The following SH3RF1 variants were observed in gnomAD, a reference collection of about 807,000 sequenced individuals.
SH3RF1 encodes the protein E3 ubiquitin-protein ligase SH3RF1.
Under a neutral mutation model 74.0 loss-of-function variants are expected in SH3RF1, and 32 were observed. The observed-to-expected ratio is 0.43, with a 90% CI of 0.33 to 0.58. The LOEUF is 0.58. Ranked by LOEUF, SH3RF1 falls within the 20% of genes least tolerant of loss-of-function variation. The pLI is 0.05. For synonymous variants in SH3RF1, 396 were observed against 439.6 expected, an observed-to-expected ratio of 0.90 and a Z score of 1.24; for missense variants, 954 against 1,130.9, an observed-to-expected ratio of 0.84 and a Z score of 2.24.
At chr4:169,203,760 G>A (rs989726437) in intron 2 of SH3RF1, among the ~76,000 whole-genome samples, 16 of 152,110 alleles carry the variant, frequency 1.1e-4, no homozygotes, top group Non-Finnish European at 1.9e-4. Context: ...AATAATCTCC[G>A]TAGTTTTCTT....
chr4:169,103,713 G>C lies in SH3RF1; in HGVS notation c.2498+3134C>G, dbSNP rs192984366. The stretch of plus-strand genomic sequence containing the variant: ...TATTTTTACTGTGAGACAGATCTAA[G>C]AATCCAAGGTAAATAAATACTATCA... On this transcript the variant is annotated intron_variant, in intron 11 of 11. Coordinates refer to ENST00000284637, the MANE Select transcript of SH3RF1 (RefSeq NM_020870.4). Among the ~76,000 whole-genome samples, 657 of 152,200 alleles carry C rather than the reference G, an allele frequency of 4.3e-3. 6 individuals carry two copies. The highest frequency in any genetic ancestry group is 0.015 in the African/African-American group (630 of 41,528).
At chr4:169,130,276 G>A (rs1579097170) in intron 5 of SH3RF1, 120 bp from the exon 6 acceptor site, 1 of 751,430 alleles carries the variant, frequency 1.3e-6, no homozygotes, top group Non-Finnish European at 2.0e-6. Context: ...CTGTTATTTG[G>A]GGAAGGTAGA....
rs1423082754 is a variant in SH3RF1 at position 169,136,450 on chromosome 4, GT to G, written c.935del (p.Asn312ThrfsTer48). On this transcript the variant is annotated frameshift_variant, in exon 5 of 12. Transcript: ENST00000284637. LOFTEE classifies it high-confidence loss of function. ...GGTTCTGGGATGCCTGGGAGGACTTGTTGGCCATAGTGAGGGAAGTGAAGGA... is the reference window on the plus strand; with the variant it reads ...GGTTCTGGGATGCCTGGGAGGACTTGTGGCCATAGTGAGGGAAGTGAAGGA... ...RHSFTSLTMA[N>X]KSSQASQNRH... The G allele has an allele frequency of 6.2e-7, 1 of 1,612,892 alleles. No individual in the cohort carries two copies. Among genetic ancestry groups the G allele is most frequent in the South Asian group, 1.1e-5 (1 of 90,978 alleles).
At chr4:169,158,870 T>C (rs568135974) in intron 2 of SH3RF1, among the ~76,000 whole-genome samples, 1 of 152,314 alleles carries the variant, frequency 6.6e-6, no homozygotes, top group Non-Finnish European at 1.5e-5. Context: ...GCCAAATTTG[T>C]TTTGCTAAAC....
At chr4:169,236,022 G>A (rs1276795663) in intron 2 of SH3RF1, among the ~76,000 whole-genome samples, 3 of 152,148 alleles carry the variant, frequency 2.0e-5, no homozygotes, top group Admixed American at 2.0e-4. Flanking sequence ...CAACCTAAGT[G>A]ACAAAACTGT....
At chr4:169,146,084 T>A (rs1300921046) in intron 4 of SH3RF1, among the ~76,000 whole-genome samples, 1 of 101,716 alleles carries the variant, frequency 9.8e-6, no homozygotes, top group Non-Finnish European at 2.2e-5. Context: ...TATTATATAT[T>A]CTATATATTC....
At chr4:169,256,041 T>C (rs373055882) in intron 2 of SH3RF1, among the ~76,000 whole-genome samples, 2 of 152,150 alleles carry the variant, frequency 1.3e-5, no homozygotes, top group African/African-American at 4.8e-5. Flanking sequence ...GTTCTGAGAC[T>C]ATAGGCGTGA....
At chr4:169,199,130 T>C (rs560763921) in intron 2 of SH3RF1, among the ~76,000 whole-genome samples, 7 of 152,248 alleles carry the variant, frequency 4.6e-5, no homozygotes, top group East Asian at 1.9e-4. Context: ...GCATGTAAAG[T>C]AGGAGAGAAG....
chr4:169,216,052 C>T (rs1200696319), intron 2 of SH3RF1, among the ~76,000 whole-genome samples: 1 of 152,154 alleles, frequency 6.6e-6, no homozygotes, highest in East Asian at 1.9e-4. Context: ...GATCTGCCCA[C>T]CTTGGCCTCC....
intron 2 of SH3RF1, among the ~76,000 whole-genome samples, chr4:169,244,766 T>C (rs73866118): frequency 0.014 from 2,169 of 152,328 alleles, 42 homozygotes; most frequent in African/African-American, 0.049. Flanking sequence ...GCTGCACTTT[T>C]CTAAACTTTA....
chr4:169,173,304 AAAT>A (rs1734363169), intron 2 of SH3RF1, among the ~76,000 whole-genome samples: 1 of 152,154 alleles, frequency 6.6e-6, no homozygotes, highest in African/African-American at 2.4e-5. Context: ...CAGTTGCACC[AAAT>A]AATTGACTCA....
intron 4 of SH3RF1, among the ~76,000 whole-genome samples, chr4:169,151,618 C>T (rs1561037935): frequency 1.3e-5 from 2 of 152,298 alleles, no homozygotes; most frequent in South Asian, 4.1e-4. Flanking sequence ...GAGATCTAAA[C>T]AAATGAGAAA....
At chr4:169,135,293 G>C (rs899147444) in intron 5 of SH3RF1, among the ~76,000 whole-genome samples, 12 of 152,156 alleles carry the variant, frequency 7.9e-5, no homozygotes, top group African/African-American at 2.9e-4. Context: ...TAAACTTTTT[G>C]AGGACCAGGA....
intron 6 of SH3RF1, among the ~76,000 whole-genome samples, chr4:169,128,233 G>A (rs1240640427): frequency 6.6e-6 from 1 of 152,162 alleles, no homozygotes; most frequent in South Asian, 2.1e-4. Context: ...AGTCTCCCCT[G>A]GAGATGAGAG....
chr4:169,198,113 A>G (rs911451839), intron 2 of SH3RF1, among the ~76,000 whole-genome samples: 5 of 152,230 alleles, frequency 3.3e-5, no homozygotes, highest in Admixed American at 6.5e-5. Flanking sequence ...CTTTCTGGCA[A>G]TATTTGTGAG....
chr4:169,193,801 CAGAT>C (rs1202874848), intron 2 of SH3RF1, among the ~76,000 whole-genome samples: 1 of 152,186 alleles, frequency 6.6e-6, no homozygotes, highest in Admixed American at 6.6e-5. Flanking sequence ...GTGATGAAAA[CAGAT>C]AGAGTCTACG....
chr4:169,161,070 C>A (rs1326947978), intron 2 of SH3RF1, among the ~76,000 whole-genome samples: 2 of 152,176 alleles, frequency 1.3e-5, no homozygotes, highest in African/African-American at 4.8e-5. Context: ...CCAAGGCCCC[C>A]AAGGATCCAC....
At chr4:169,176,428 T>C (rs1272790220) in intron 2 of SH3RF1, among the ~76,000 whole-genome samples, 1 of 152,204 alleles carries the variant, frequency 6.6e-6, no homozygotes, top group Non-Finnish European at 1.5e-5. Flanking sequence ...AACAGAAATA[T>C]GATTTTAGAA....
At position 169,121,216 on chromosome 4, in the gene SH3RF1, G is replaced by A. The variant is rs1390330716; in HGVS notation, c.1347-227C>T. ...CCTGATTAAGAACCTGTTCCTCCCA[G>A]TATGGAAGTTACTATCCCACCAAAT... On this transcript the variant is annotated intron_variant, in intron 7 of 11. Coordinates refer to ENST00000284637, the MANE Select transcript of SH3RF1 (RefSeq NM_020870.4). Among the ~76,000 whole-genome samples, 5 of 152,224 alleles carry A rather than the reference G, an allele frequency of 3.3e-5. No homozygotes were observed. In the East Asian group the frequency reaches 5.8e-4, roughly 18 times the overall value.
Sources: gnomAD v4.1 joint callset for allele counts (sites outside exome capture counted in the v4.1 genomes callset) on GRCh38, gnomAD v4.1.1 for gene constraint, MANE v1.5 for transcripts, NCBI Gene and HGNC (gene_info 2026-07-23, HGNC 2026-07-21) for gene names.